The following PHF20 variants were observed in gnomAD, a reference collection of about 807,000 sequenced individuals.
PHF20 encodes PHD finger protein 20, also known as glioma-expressed antigen 2.
Under a neutral mutation model 113.5 loss-of-function variants are expected in PHF20, and 23 were observed. That is an observed-to-expected ratio of 0.20 (90% CI 0.15 to 0.29). The LOEUF is 0.29. Ranked by LOEUF, PHF20 falls within the 10% of genes least tolerant of loss-of-function variation. PHF20 has a pLI of 1.00. For synonymous variants in PHF20, 434 were observed against 457.3 expected (o/e 0.95, Z 0.65); for missense variants, 943 against 1,219.6 (o/e 0.77, Z 3.38).
intron 1 of PHF20, among the ~76,000 whole-genome samples, chr20:35,791,910 T>C (rs543155079): frequency 6.6e-6 from 1 of 152,136 alleles, no homozygotes; most frequent in East Asian, 1.9e-4. Flanking sequence ...AGAAGGAACT[T>C]GTAAGGGTAA....
At chr20:35,896,323 C>T (rs7275167) in intron 9 of PHF20, among the ~76,000 whole-genome samples, 8,865 of 151,782 alleles carry the variant, frequency 0.058, 410 homozygotes, top group African/African-American at 0.13. Flanking sequence ...ATTGTGTTTA[C>T]GAAAAATCTG....
intron 1 of PHF20, chr20:35,782,579 A>G (rs1270839681): frequency 6.6e-6 from 1 of 152,168 alleles, no homozygotes; most frequent in Non-Finnish European, 1.5e-5. Context: ...GTGCCTGGCC[A>G]AGAGGTCACT....
intron 2 of PHF20, among the ~76,000 whole-genome samples, chr20:35,807,641 C>T (rs2041908588): frequency 6.6e-6 from 1 of 152,172 alleles, no homozygotes; most frequent in Non-Finnish European, 1.5e-5. Flanking sequence ...GCGTGAGCCA[C>T]TGCACCTGGC....
At chr20:35,890,523 C>T (rs1348174304) in intron 9 of PHF20, among the ~76,000 whole-genome samples, 1 of 152,194 alleles carries the variant, frequency 6.6e-6, no homozygotes. Context: ...TTTGAGCAAA[C>T]AACTGTGAGG....
intron 10 of PHF20, among the ~76,000 whole-genome samples, chr20:35,902,492 A>G (rs987236417): frequency 6.6e-6 from 1 of 152,186 alleles, no homozygotes; most frequent in Non-Finnish European, 1.5e-5. Flanking sequence ...TCTCTGTGCT[A>G]GGACATAGTG....
intron 1 of PHF20, among the ~76,000 whole-genome samples, chr20:35,780,473 G>T (rs1281411548): frequency 6.6e-6 from 1 of 151,374 alleles, no homozygotes; most frequent in African/African-American, 2.4e-5. Context: ...TAATCCATCC[G>T]CCTCGGCCTC....
chr20:35,844,195 T>C (rs2042579594), intron 3 of PHF20, among the ~76,000 whole-genome samples: 1 of 151,608 alleles, frequency 6.6e-6, no homozygotes, highest in Non-Finnish European at 1.5e-5. Flanking sequence ...CTCCATCTCC[T>C]GGGTTCAAGC....
At chr20:35,807,467 C>CTTGAGTAG (rs1168688445) in intron 2 of PHF20, among the ~76,000 whole-genome samples, 8 of 151,592 alleles carry the variant, frequency 5.3e-5, no homozygotes, top group African/African-American at 1.9e-4. Context: ...GTTCTCCCTG[C>CTTGAGTAG]CTCAGACTCC....
Position 35,860,835 on chromosome 20 carries a change from CCCAAGTGGAAGT to C in PHF20, c.421-2174_421-2163del, listed in dbSNP as rs553864725. 2.6e-5 allele frequency among the ~76,000 whole-genome samples: 4 copies of C among 152,270 alleles called. No homozygotes were observed. The South Asian group carries it at 8.3e-4, about 32-fold the overall frequency. On this transcript the variant is annotated intron_variant, in intron 5 of 17. Coordinates refer to ENST00000374012, the MANE Select transcript of PHF20 (RefSeq NM_016436.5). ...ATTGGCAGGTTATATCCAGAACCTT[CCCAAGTGGAAGT>C]CCAGGGCTCTAGATAACAATTGTTC... is the stretch of plus-strand genomic sequence containing the variant.
intron 2 of PHF20, among the ~76,000 whole-genome samples, chr20:35,820,259 G>T (rs2042144741): frequency 6.6e-6 from 1 of 152,158 alleles, no homozygotes; most frequent in African/African-American, 2.4e-5. Flanking sequence ...GCTTCAGAAA[G>T]ATGACTTTTG....
intron 2 of PHF20, among the ~76,000 whole-genome samples, chr20:35,819,497 G>T (rs556198716): frequency 3.3e-5 from 5 of 152,220 alleles, no homozygotes; most frequent in Non-Finnish European, 5.9e-5. Context: ...TATTTAAGTT[G>T]ATCATAGTTC....
intron 2 of PHF20, among the ~76,000 whole-genome samples, chr20:35,818,099 C>T (rs1393192129): frequency 6.6e-6 from 1 of 151,960 alleles, no homozygotes; most frequent in Non-Finnish European, 1.5e-5. Context: ...GCCTGGCCAA[C>T]ATGGTGAAAC....
chr20:35,848,558 T>A (rs1370637826), intron 4 of PHF20, among the ~76,000 whole-genome samples: 1 of 152,074 alleles, frequency 6.6e-6, no homozygotes, highest in Non-Finnish European at 1.5e-5. Flanking sequence ...GCCGCAACTT[T>A]TTAGAAAAGT....
At chr20:35,869,683 G>A in intron 7 of PHF20, 132 bp downstream of exon 7, 1 of 667,620 alleles carries the variant, frequency 1.5e-6, no homozygotes, top group Non-Finnish European at 2.7e-6. Flanking sequence ...AATGTGAGTT[G>A]GATGCAGTTG....
chr20:35,941,095 C>A (rs767217727), intron 17 of PHF20, 48 bp downstream of exon 17: 2 of 1,502,042 alleles, frequency 1.3e-6, no homozygotes, highest in Non-Finnish European at 1.8e-6. Flanking sequence ...CAGTCGAGCA[C>A]CCCCAGACGA....
chr20:35,805,220 A>G (rs549695144), intron 2 of PHF20, among the ~76,000 whole-genome samples: 71 of 151,770 alleles, frequency 4.7e-4, no homozygotes, highest in African/African-American at 1.7e-3. Context: ...ATTTTTCCAG[A>G]CAAGGTCTCA....
At chr20:35,924,082 A>T (rs765845909) in intron 13 of PHF20, among the ~76,000 whole-genome samples, 15 of 152,102 alleles carry the variant, frequency 9.9e-5, no homozygotes, top group African/African-American at 3.1e-4. Flanking sequence ...AACCATTTTT[A>T]AGTATGCAAG....
At chr20:35,800,684 T>C (rs779250766) in intron 1 of PHF20, among the ~76,000 whole-genome samples, 4 of 151,968 alleles carry the variant, frequency 2.6e-5, no homozygotes, top group Non-Finnish European at 5.9e-5. Flanking sequence ...GGCTCCAGAA[T>C]TGCTTGAACC....
At chr20:35,850,822 C>A (rs1169991530) in intron 4 of PHF20, 2 of 1,099,174 alleles carry the variant, frequency 1.8e-6, no homozygotes, top group South Asian at 1.3e-5. Context: ...TTATGAAAAT[C>A]AGGTGTATGT....
Sources: allele counts gnomAD v4.1 joint callset (sites outside exome capture counted in the v4.1 genomes callset), GRCh38; gene constraint gnomAD v4.1.1; transcripts MANE v1.5; gene names NCBI Gene and HGNC (gene_info 2026-07-23, HGNC 2026-07-21).